The following CHSY3 variants were observed in gnomAD, a reference collection of about 807,000 sequenced individuals.
The protein encoded by CHSY3 is chondroitin sulfate synthase 3.
A neutral mutation model predicts 67.2 loss-of-function variants in CHSY3; 35 were observed. The observed-to-expected ratio is 0.52, with a 90% CI of 0.40 to 0.69. CHSY3 has a LOEUF of 0.69. CHSY3 is among the 30% of genes least tolerant of loss of function. The pLI, the probability that CHSY3 is intolerant of heterozygous loss-of-function variation, is 0.00. For missense variants in CHSY3, 1,069 were observed against 1,138.5 expected (o/e 0.94, Z 0.88); for synonymous variants, 474 against 434.7 (o/e 1.09, Z -1.12).
chr5:130,066,066 C>A (rs2149679234), intron 2 of CHSY3, among the ~76,000 whole-genome samples: 1 of 152,178 alleles, frequency 6.6e-6, no homozygotes, highest in South Asian at 2.1e-4. Flanking sequence ...ACACAAAAAG[C>A]CATGAATCTT....
rs145884707 is a variant in CHSY3 at position 129,939,740 on chromosome 5, A to G, written c.1086+31380A>G. Reference sequence around the variant, plus strand: ...ACTTATGTTGAAAATGATAGGCTGAAAATAAACGTGCTCATAGCTTTTTCA... The same window carrying G: ...ACTTATGTTGAAAATGATAGGCTGAGAATAAACGTGCTCATAGCTTTTTCA... On this transcript the variant is annotated intron_variant, in intron 2 of 2. Coordinates refer to ENST00000305031, the MANE Select transcript of CHSY3 (RefSeq NM_175856.5). Among the ~76,000 whole-genome samples, 582 of 152,298 alleles carry G rather than the reference A, an allele frequency of 3.8e-3. 8 individuals carry two copies. Among genetic ancestry groups the G allele is most frequent in the African/African-American group, 0.013 (547 of 41,576 alleles).
Position 129,991,095 on chromosome 5 carries a change from G to T in CHSY3, c.1086+82735G>T, listed in dbSNP as rs543124166. On this transcript the variant is annotated intron_variant, in intron 2 of 2. Coordinates refer to ENST00000305031, the MANE Select transcript of CHSY3 (RefSeq NM_175856.5). ...GAACTGAGTAAAATGAGAAGGGGTT[G>T]GGGAGGTTGCAGGTCTTTATCTGCA... Among the ~76,000 whole-genome samples, 9 of 152,232 alleles carry T rather than the reference G, an allele frequency of 5.9e-5. No individual in the cohort carries two copies. The South Asian group carries it at 1.2e-3, about 21-fold the overall frequency.
intron 2 of CHSY3, among the ~76,000 whole-genome samples, chr5:130,069,677 C>T (rs558312137): frequency 6.6e-6 from 1 of 151,902 alleles, no homozygotes; most frequent in African/African-American, 2.4e-5. Context: ...TGATTTGAAT[C>T]TTCACTATCG....
chr5:130,034,987 A>G (rs1171766537), intron 2 of CHSY3, among the ~76,000 whole-genome samples: 2 of 152,090 alleles, frequency 1.3e-5, no homozygotes, highest in African/African-American at 4.8e-5. Context: ...AGAAGAAGAT[A>G]AGGATAGAGA....
intron 2 of CHSY3, among the ~76,000 whole-genome samples, chr5:130,017,413 GT>G (rs1488140623): frequency 1.2e-4 from 18 of 151,912 alleles, no homozygotes; most frequent in Admixed American, 2.6e-4. Flanking sequence ...TCTCCAGTAG[GT>G]TTTTAACAGT....
At chr5:129,974,485 A>T (rs1762739101) in intron 2 of CHSY3, among the ~76,000 whole-genome samples, 1 of 152,168 alleles carries the variant, frequency 6.6e-6, no homozygotes, top group Admixed American at 6.6e-5. Context: ...GGAAGATCTA[A>T]AACACTGGAA....
At chr5:129,925,396 A>T (rs1761069614) in intron 2 of CHSY3, among the ~76,000 whole-genome samples, 1 of 152,124 alleles carries the variant, frequency 6.6e-6, no homozygotes, top group South Asian at 2.1e-4. Context: ...AAACAGCTGA[A>T]TGATCTGCCT....
At chr5:129,964,429 C>T (rs913174716) in intron 2 of CHSY3, among the ~76,000 whole-genome samples, 1 of 151,738 alleles carries the variant, frequency 6.6e-6, no homozygotes, top group Non-Finnish European at 1.5e-5. Context: ...TAAATACCCT[C>T]CAGTAAAGAG....
chr5:130,126,478 C>T (rs970243652), intron 2 of CHSY3, among the ~76,000 whole-genome samples: 1 of 151,844 alleles, frequency 6.6e-6, no homozygotes, highest in Admixed American at 6.6e-5. Flanking sequence ...GTCCATTTGT[C>T]TTTTTTTCTC....
At chr5:130,102,860 T>C (rs1319167750) in intron 2 of CHSY3, among the ~76,000 whole-genome samples, 1 of 152,030 alleles carries the variant, frequency 6.6e-6, no homozygotes, top group Non-Finnish European at 1.5e-5. Flanking sequence ...CCTTCTCTCC[T>C]ACACATTTTT....
intron 2 of CHSY3, among the ~76,000 whole-genome samples, chr5:130,042,402 A>T (rs1765030672): frequency 6.6e-6 from 1 of 152,180 alleles, no homozygotes; most frequent in Non-Finnish European, 1.5e-5. Context: ...ATAAATATTC[A>T]TACATTCTAA....
At chr5:129,989,975 T>C (rs1457126864) in intron 2 of CHSY3, among the ~76,000 whole-genome samples, 1 of 152,130 alleles carries the variant, frequency 6.6e-6, no homozygotes, top group Non-Finnish European at 1.5e-5. Flanking sequence ...TAAAACTTTA[T>C]TTACTCAAAC....
chr5:129,977,565 A>C (rs752825735), intron 2 of CHSY3, among the ~76,000 whole-genome samples: 1 of 152,206 alleles, frequency 6.6e-6, no homozygotes, highest in Non-Finnish European at 1.5e-5. Flanking sequence ...AAATATGCTT[A>C]TGATTCATTA....
intron 2 of CHSY3, among the ~76,000 whole-genome samples, chr5:129,956,689 A>G (rs1206587625): frequency 6.6e-6 from 1 of 152,044 alleles, no homozygotes; most frequent in East Asian, 1.9e-4. Context: ...ATGGCTAGCC[A>G]GTTATCCCAG....
intron 2 of CHSY3, among the ~76,000 whole-genome samples, chr5:129,991,256 G>C (rs928163706): frequency 1.3e-5 from 2 of 152,124 alleles, no homozygotes; most frequent in African/African-American, 4.8e-5. Flanking sequence ...AACAAATTAA[G>C]AAGATTCTGT....
chr5:129,968,698 G>A (rs537294426), intron 2 of CHSY3, among the ~76,000 whole-genome samples: 1 of 151,882 alleles, frequency 6.6e-6, no homozygotes, highest in Non-Finnish European at 1.5e-5. Flanking sequence ...TTTGAATGAA[G>A]GTTTTTATTA....
rs868734811 is a variant in CHSY3 at position 129,999,119 on chromosome 5, C to T, written c.1086+90759C>T. 2.3e-3 allele frequency among the ~76,000 whole-genome samples: 294 copies of T among 130,472 alleles called. 1 individual carries two copies. Among genetic ancestry groups the T allele is most frequent in the African/African-American group, 6.8e-3 (249 of 36,632 alleles). 85.6% of individuals were successfully genotyped at this position (130,472 alleles called of 152,430 possible). On this transcript the variant is annotated intron_variant, in intron 2 of 2. Transcript: ENST00000305031. Reference sequence around the variant, plus strand: ...GAGTGAAATACAGATCTAGCTCCCCCCTCCCTTTTTTTTTTTTTGTTTCCT... The same window carrying T: ...GAGTGAAATACAGATCTAGCTCCCCTCTCCCTTTTTTTTTTTTTGTTTCCT...
chr5:130,058,811 G>A (rs1262214065), intron 2 of CHSY3, among the ~76,000 whole-genome samples: 1 of 152,202 alleles, frequency 6.6e-6, no homozygotes, highest in African/African-American at 2.4e-5. Context: ...GGTGTCAGCA[G>A]GGCTGTACTA....
At chr5:130,048,865 TAC>T (rs1162313599) in intron 2 of CHSY3, among the ~76,000 whole-genome samples, 1 of 151,938 alleles carries the variant, frequency 6.6e-6, no homozygotes, top group Non-Finnish European at 1.5e-5. Context: ...GGTCAAATAA[TAC>T]AAAATTTCAG....
Sources: gnomAD v4.1 joint callset for allele counts (sites outside exome capture counted in the v4.1 genomes callset) on GRCh38, gnomAD v4.1.1 for gene constraint, MANE v1.5 for transcripts, NCBI Gene and HGNC (gene_info 2026-07-23, HGNC 2026-07-21) for gene names.